PHF21A: variants seen among roughly 807,000 people sequenced by gnomAD.
The protein encoded by PHF21A is PHD finger protein 21A.
PHF21A carries 11 observed loss-of-function variants against 82.5 expected under a neutral mutation model. The observed-to-expected ratio is 0.13, with a 90% CI of 0.08 to 0.22. The LOEUF (loss-of-function observed/expected upper bound fraction) is 0.22, where lower values mean the gene tolerates loss of function less well. Ranked by LOEUF, PHF21A falls within the 10% of genes least tolerant of loss-of-function variation. The probability of loss-of-function intolerance (pLI) is 1.00; values close to 1 mark genes in which losing one functional copy is unlikely to be tolerated. For missense variants in PHF21A, 579 were observed against 837.8 expected, an observed-to-expected ratio of 0.69 and a Z score of 3.81; for synonymous variants, 297 against 302.8, an observed-to-expected ratio of 0.98 and a Z score of 0.20.
intron 6 of PHF21A, among the ~76,000 whole-genome samples, chr11:46,007,129 G>A (rs546653895): frequency 3.3e-5 from 5 of 152,164 alleles, no homozygotes; most frequent in East Asian, 3.9e-4. Flanking sequence ...CAACCATAAC[G>A]TGACGAGACA....
intron 6 of PHF21A, among the ~76,000 whole-genome samples, chr11:46,051,800 CA>C (rs1209460687): frequency 6.6e-6 from 1 of 152,008 alleles, no homozygotes. Context: ...GAAGCAGAAA[CA>C]AAGGTGATGG....
At chr11:45,998,454 A>T (rs910947130) in intron 6 of PHF21A, among the ~76,000 whole-genome samples, 10 of 152,226 alleles carry the variant, frequency 6.6e-5, no homozygotes, top group Non-Finnish European at 1.3e-4. Context: ...TTATTTAAGA[A>T]GTTTCCACAT....
chr11:46,017,266 C>A (rs954047854), intron 6 of PHF21A, among the ~76,000 whole-genome samples: 5 of 152,198 alleles, frequency 3.3e-5, no homozygotes, highest in African/African-American at 1.2e-4. Flanking sequence ...CCACCACGCC[C>A]GGCCTACATC....
Position 45,934,187 on chromosome 11 carries a change from C to T in PHF21A, c.1827G>A (p.Gln609=). The T allele has an allele frequency of 6.2e-7, 1 of 1,614,010 alleles. No homozygotes were observed. The highest frequency in any genetic ancestry group is 8.5e-7 in the Non-Finnish European group (1 of 1,180,024). The part of the protein sequence containing the change: ...MEMKNTILAR[Q]KEMHSSLEKV... ...TCTCCAGGGAGCTGTGCATCTCCTT[C>T]TGCCGGGCCAGGATGGTGTTCTTCA... The change falls in exon 19 of 19, where the codon CAG becomes CAA. Residue 609 remains glutamine (Q), a synonymous_variant. Coordinates refer to ENST00000676320, the MANE Select transcript of PHF21A (RefSeq NM_001352027.3).
intron 11 of PHF21A, among the ~76,000 whole-genome samples, chr11:45,950,528 C>CA (rs60927389): frequency 0.23 from 33,123 of 144,074 alleles, 3,684 homozygotes; most frequent in Non-Finnish European, 0.24. Context: ...TGATGAGCTT[C>CA]AAAAAAAAAA....
Position 45,965,483 on chromosome 11 carries a change from G to T in PHF21A, c.828C>A (p.Pro276=). 2.5e-6 allele frequency: 4 copies of T among 1,614,002 alleles called. No individual in the cohort carries two copies. Among genetic ancestry groups the T allele is most frequent in the Non-Finnish European group, 2.5e-6 (3 of 1,179,966 alleles). ...MLTKFTPTTL[P]TSQNSIHPVR... is the part of the protein sequence containing the mutation. ...CGGGGTGGATGGAATTCTGGGATGT[G>T]GGAAGGGTTGTGGGGGTGAACTTGG... is the stretch of plus-strand genomic sequence containing the variant. Residue 276 remains proline, a synonymous_variant, in exon 10 of 19, where the codon CCC becomes CCA. Transcript: ENST00000676320.
chr11:46,029,366 T>C (rs2095818397), intron 6 of PHF21A, among the ~76,000 whole-genome samples: 1 of 152,230 alleles, frequency 6.6e-6, no homozygotes. Flanking sequence ...GTTTTTATTC[T>C]ATATTCCCTT....
chr11:46,115,924 A>T (rs1342265079), intron 1 of PHF21A, among the ~76,000 whole-genome samples: 1 of 152,130 alleles, frequency 6.6e-6, no homozygotes, highest in Non-Finnish European at 1.5e-5. Flanking sequence ...AGTTAATAAC[A>T]CCCTGAGAGG....
intron 6 of PHF21A, among the ~76,000 whole-genome samples, chr11:46,061,627 A>G (rs963730747): frequency 6.6e-6 from 1 of 152,206 alleles, no homozygotes; most frequent in Non-Finnish European, 1.5e-5. Flanking sequence ...GGCTCAAAAC[A>G]CATTGTATGA....
At chr11:45,976,146 A>G (rs1303525874) in intron 7 of PHF21A, among the ~76,000 whole-genome samples, 1 of 152,106 alleles carries the variant, frequency 6.6e-6, no homozygotes, top group Non-Finnish European at 1.5e-5. Flanking sequence ...TACGATTCCC[A>G]GGGCATACAT....
chr11:46,048,126 G>A (rs2096283674), intron 6 of PHF21A, among the ~76,000 whole-genome samples: 1 of 152,184 alleles, frequency 6.6e-6, no homozygotes, highest in Admixed American at 6.5e-5. Flanking sequence ...TGTGACATTA[G>A]TAGTCACTCC....
intron 6 of PHF21A, among the ~76,000 whole-genome samples, chr11:45,989,028 T>C (rs1174062259): frequency 1.3e-5 from 2 of 152,168 alleles, no homozygotes; most frequent in African/African-American, 4.8e-5. Flanking sequence ...ATGTTATAAA[T>C]TTACTTTCTG....
At chr11:46,059,996 G>A (rs902230117) in intron 6 of PHF21A, among the ~76,000 whole-genome samples, 39 of 152,032 alleles carry the variant, frequency 2.6e-4, no homozygotes, top group Middle Eastern at 3.4e-3. Flanking sequence ...CACCCACCTC[G>A]GCCTCCAAAG....
chr11:46,020,614 A>G (rs954467209), intron 6 of PHF21A, among the ~76,000 whole-genome samples: 5 of 152,126 alleles, frequency 3.3e-5, no homozygotes, highest in Admixed American at 6.5e-5. Flanking sequence ...ATTTAGCTCT[A>G]TAAGTTATGA....
intron 6 of PHF21A, among the ~76,000 whole-genome samples, chr11:45,982,910 T>C (rs1029239600): frequency 2.0e-5 from 3 of 152,202 alleles, no homozygotes; most frequent in African/African-American, 4.8e-5. Flanking sequence ...CTAATTACTA[T>C]ACCAGTCACA....
intron 6 of PHF21A, among the ~76,000 whole-genome samples, chr11:46,036,009 G>T (rs1207854655): frequency 6.6e-6 from 1 of 152,134 alleles, no homozygotes; most frequent in Non-Finnish European, 1.5e-5. Context: ...GAAGCAAGAA[G>T]ATTCAAAAAG....
chr11:45,972,826 A>C (rs1013012506), intron 7 of PHF21A, among the ~76,000 whole-genome samples: 1 of 152,186 alleles, frequency 6.6e-6, no homozygotes, highest in Non-Finnish European at 1.5e-5. Flanking sequence ...AGGCAAGAGA[A>C]TTGCTTGAAC....
chr11:46,064,042 T>C (rs529985493), intron 6 of PHF21A, among the ~76,000 whole-genome samples: 1 of 152,212 alleles, frequency 6.6e-6, no homozygotes, highest in Non-Finnish European at 1.5e-5. Context: ...CCAATTTCAC[T>C]TGATTATTTT....
At chr11:46,102,455 T>G (rs1251325767) in intron 1 of PHF21A, among the ~76,000 whole-genome samples, 2 of 152,254 alleles carry the variant, frequency 1.3e-5, no homozygotes, top group Non-Finnish European at 2.9e-5. Context: ...AGTGGTATTC[T>G]GTATTTACAA....
Sources: allele counts gnomAD v4.1 joint callset (sites outside exome capture counted in the v4.1 genomes callset), GRCh38; gene constraint gnomAD v4.1.1; transcripts MANE v1.5; gene names NCBI Gene and HGNC (gene_info 2026-07-23, HGNC 2026-07-21).